The following QRFPR variants were observed in gnomAD, a reference collection of about 807,000 sequenced individuals.
The protein encoded by QRFPR is pyroglutamylated RF-amide peptide receptor.
A neutral mutation model predicts 31.3 loss-of-function variants in QRFPR; 37 were observed. That is an observed-to-expected ratio of 1.18 (90% CI 0.91 to 1.56). QRFPR has a LOEUF of 1.56. Among genes scored for constraint, QRFPR ranks in the 40% most tolerant of loss-of-function variants. The pLI is 0.00. For synonymous variants in QRFPR, 197 were observed against 192.0 expected (o/e 1.03, Z -0.22); for missense variants, 542 against 532.5 (o/e 1.02, Z -0.18).
At chr4:121,342,619 A>G (rs1725563542) in intron 1 of QRFPR, among the ~76,000 whole-genome samples, 1 of 151,798 alleles carries the variant, frequency 6.6e-6, no homozygotes, top group South Asian at 2.1e-4. Context: ...TATGCTGCTA[A>G]TTTGTTTTTT....
chr4:121,350,373 G>C (rs1725740684), intron 1 of QRFPR, among the ~76,000 whole-genome samples: 1 of 152,072 alleles, frequency 6.6e-6, no homozygotes. Flanking sequence ...GGTGTCTGGT[G>C]GTTTGATTGA....
intron 1 of QRFPR, among the ~76,000 whole-genome samples, chr4:121,352,105 A>G (rs1560739037): frequency 6.6e-6 from 1 of 152,180 alleles, no homozygotes; most frequent in Non-Finnish European, 1.5e-5. Context: ...CGGTTGGAAT[A>G]AATATTTTTT....
chr4:121,354,227 T>A (rs111691396), intron 1 of QRFPR, among the ~76,000 whole-genome samples: 35 of 152,126 alleles, frequency 2.3e-4, no homozygotes, highest in African/African-American at 8.4e-4. Flanking sequence ...TTAGGATTGT[T>A]TTTTCTATTT....
At chr4:121,333,241 T>C (rs1340377838) in intron 3 of QRFPR, among the ~76,000 whole-genome samples, 185 bp from the exon 4 acceptor site, 4 of 152,218 alleles carry the variant, frequency 2.6e-5, no homozygotes, top group African/African-American at 7.2e-5. Flanking sequence ...ACTTCACTGC[T>C]TAAGTTCTTA....
chr4:121,364,618 C>A (rs1579586034), intron 1 of QRFPR, among the ~76,000 whole-genome samples: 2 of 145,648 alleles, frequency 1.4e-5, no homozygotes, highest in African/African-American at 2.5e-5. Context: ...CCAGCCTGGG[C>A]CACAGAGCGA....
intron 2 of QRFPR, chr4:121,340,108 C>CAAAAAAAAAAAAAAAAAAAAAAAAAAA (rs58311512): frequency 1.6e-5 from 2 of 128,958 alleles, no homozygotes; most frequent in African/African-American, 4.0e-5. Flanking sequence ...CACTCTGTCT[C>CAAAAAAAAAAAAAAAAAAAAAAAAAAA]AAAAAAAAAA....
chr4:121,358,307 G>A (rs1192868002), intron 1 of QRFPR, among the ~76,000 whole-genome samples: 1 of 152,144 alleles, frequency 6.6e-6, no homozygotes, highest in Non-Finnish European at 1.5e-5. Context: ...ACCTTGCTTT[G>A]TAATGTTAGC....
chr4:121,332,985 C>T lies in QRFPR; in HGVS notation c.633G>A (p.Gln211=), dbSNP rs1487761752. 2 of 1,561,818 alleles carry T rather than the reference C, an allele frequency of 1.3e-6. No individual in the cohort carries two copies. The highest frequency in any genetic ancestry group is 2.3e-5 in the South Asian group (2 of 88,022). The change falls in exon 4 of 6, where the codon CAG becomes CAA. Residue 211 remains glutamine, a synonymous_variant. Transcript: ENST00000394427. The part of the protein sequence containing the change: ...CLEEWTSPVH[Q]KIYTTFILVI... The stretch of plus-strand genomic sequence containing the variant: ...CAAGGATGAAGGTGGTGTAGATCTT[C>T]TGGTGCACAGGGCTGGTCCACTCTT...
intron 1 of QRFPR, among the ~76,000 whole-genome samples, chr4:121,359,468 C>T (rs537974078): frequency 2.2e-3 from 329 of 152,182 alleles, no homozygotes; most frequent in African/African-American, 6.9e-3. Context: ...AGTCTCCCAG[C>T]CTGCATCTTT....
rs760775621 is a variant in QRFPR, at chr4:121,329,320, C to A, written c.1290G>T (p.Gly430=). Residue 430 remains glycine (G), a synonymous_variant, in exon 6 of 6, where the codon GGG becomes GGT. Coordinates refer to ENST00000394427, the MANE Select transcript of QRFPR (RefSeq NM_198179.3). ...TATGAAGATATTGTTATAATTAATG[C>A]CCACTGTCTAAAGGAGAATTCTCAG... ...ELAENSPLDS[G]H is the part of the protein sequence containing the mutation. 6.3e-7 allele frequency: 1 copy of A among 1,596,666 alleles called. No homozygotes were observed. The highest frequency in any genetic ancestry group is 1.1e-5 in the South Asian group (1 of 87,508).
chr4:121,365,508 T>A (rs1483523218), intron 1 of QRFPR, among the ~76,000 whole-genome samples: 1 of 1,392 alleles, frequency 7.2e-4, no homozygotes, highest in Admixed American at 0.016. Flanking sequence ...ATAATATATA[T>A]AATATATATT....
chr4:121,350,343 C>T (rs1333233189), intron 1 of QRFPR, among the ~76,000 whole-genome samples: 1 of 152,146 alleles, frequency 6.6e-6, no homozygotes, highest in South Asian at 2.1e-4. Context: ...TGTTTAGTCC[C>T]CATATTATTT....
At chr4:121,379,123 T>C (rs540786961) in intron 1 of QRFPR, among the ~76,000 whole-genome samples, 6 of 152,344 alleles carry the variant, frequency 3.9e-5, no homozygotes, top group African/African-American at 1.2e-4. Context: ...ACTTTCCACA[T>C]TGTGTATTAC....
At chr4:121,340,251 T>C (rs1725516129) in intron 2 of QRFPR, 1 of 580,382 alleles carries the variant, frequency 1.7e-6, no homozygotes, top group East Asian at 2.9e-5. Flanking sequence ...CCCAAAATGA[T>C]ACATTTTCAG....
intron 3 of QRFPR, among the ~76,000 whole-genome samples, chr4:121,336,437 AT>A (rs1305494539): frequency 2.0e-5 from 3 of 152,070 alleles, no homozygotes; most frequent in East Asian, 1.9e-4. Flanking sequence ...ATTTATTACA[AT>A]TTTTTTTACG....
intron 1 of QRFPR, among the ~76,000 whole-genome samples, chr4:121,346,786 A>G (rs1433915148): frequency 6.6e-6 from 1 of 152,190 alleles, no homozygotes; most frequent in Non-Finnish European, 1.5e-5. Flanking sequence ...TGGTGTAATC[A>G]TATGATTTTT....
At chr4:121,355,454 C>CT (rs1411108830) in intron 1 of QRFPR, among the ~76,000 whole-genome samples, 2 of 151,968 alleles carry the variant, frequency 1.3e-5, no homozygotes, top group Non-Finnish European at 2.9e-5. Context: ...AGTCACTCTC[C>CT]TTTTTTCAGT....
intron 1 of QRFPR, among the ~76,000 whole-genome samples, chr4:121,380,013 C>T (rs1249133875): frequency 6.6e-6 from 1 of 151,966 alleles, no homozygotes; most frequent in African/African-American, 2.4e-5. Flanking sequence ...AGCTTTTCCC[C>T]AACCTATGTC....
At chr4:121,372,790 G>A (rs1237812418) in intron 1 of QRFPR, among the ~76,000 whole-genome samples, 1 of 152,194 alleles carries the variant, frequency 6.6e-6, no homozygotes, top group Non-Finnish European at 1.5e-5. Flanking sequence ...ATATTCCACT[G>A]TGTGTATACA....
Sources: gnomAD v4.1 joint callset for allele counts (sites outside exome capture counted in the v4.1 genomes callset) on GRCh38, gnomAD v4.1.1 for gene constraint, MANE v1.5 for transcripts, NCBI Gene and HGNC (gene_info 2026-07-23, HGNC 2026-07-21) for gene names.